Variants in FNTB observed in about 807,000 individuals in gnomAD.
FNTB encodes the protein protein farnesyltransferase subunit beta.
A neutral mutation model predicts 59.4 loss-of-function variants in FNTB; 27 were observed. That is an observed-to-expected ratio of 0.45 (90% CI 0.34 to 0.63). FNTB has a LOEUF of 0.63. FNTB is among the 20% of genes least tolerant of loss of function. The pLI is 0.02. For missense variants in FNTB, 449 were observed against 559.6 expected, an observed-to-expected ratio of 0.80 and a Z score of 1.99; for synonymous variants, 230 against 220.7, an observed-to-expected ratio of 1.04 and a Z score of -0.37.
Position 65,023,779 on chromosome 14 carries a change from A to T in FNTB, c.375-3674A>T, listed in dbSNP as rs1005238702. 6.6e-6 allele frequency among the ~76,000 whole-genome samples: 1 copy of T among 152,190 alleles called. No homozygotes were observed. Among genetic ancestry groups the T allele is most frequent in the Non-Finnish European group, 1.5e-5 (1 of 68,042 alleles). On this transcript the variant is annotated intron_variant, in intron 4 of 11. Coordinates refer to ENST00000246166, the MANE Select transcript of FNTB (RefSeq NM_002028.4). The surrounding 1 kb of genome is among the most constrained non-coding windows in gnomAD (Gnocchi z 4.1). ...AAAATGTGGTCCCCAGACCAGGAGCATTGCTATCACCTGGGAACTTATTAG... is the reference window on the plus strand; with the variant it reads ...AAAATGTGGTCCCCAGACCAGGAGCTTTGCTATCACCTGGGAACTTATTAG...
rs1220547341 is a variant in FNTB at position 65,027,637 on chromosome 14, G to A, written c.521+38G>A. 7 of 1,613,934 alleles carry A rather than the reference G, an allele frequency of 4.3e-6. No homozygotes were observed. Among genetic ancestry groups the A allele is most frequent in the African/African-American group, 1.3e-5 (1 of 74,912 alleles). On this transcript the variant is annotated intron_variant, in intron 5 of 11. Transcript: ENST00000246166. The surrounding 1 kb of genome is among the most constrained non-coding windows in gnomAD (Gnocchi z 5.7). ...CCAGCAGTGACAGAAACCTAGAGGA[G>A]TTCCCCGCCTGCTGACACGCACTGA...
intron 2 of FNTB, among the ~76,000 whole-genome samples, chr14:65,010,466 T>A (rs1376584378): frequency 1.3e-5 from 2 of 152,210 alleles, no homozygotes; most frequent in Non-Finnish European, 2.9e-5. Flanking sequence ...GACCCACACA[T>A]CCAAAAGTCA....
At chr14:65,004,364 G>A in intron 2 of FNTB, 51 bp downstream of exon 2, 1 of 1,573,320 alleles carries the variant, frequency 6.4e-7, no homozygotes, top group South Asian at 1.1e-5. Context: ...CCACCATGCA[G>A]CAGCCTTTCT....
At chr14:65,013,663 T>C (rs1041063788) in intron 3 of FNTB, among the ~76,000 whole-genome samples, 7 of 152,192 alleles carry the variant, frequency 4.6e-5, no homozygotes, top group African/African-American at 1.7e-4. Flanking sequence ...TTCTCTTGCC[T>C]CAGCCTTCTG....
intron 7 of FNTB, among the ~76,000 whole-genome samples, chr14:65,040,317 G>T (rs1474554142): frequency 6.8e-6 from 1 of 146,640 alleles, no homozygotes; most frequent in Non-Finnish European, 1.5e-5. Context: ...GTGTATATAT[G>T]TACATATATG....
chr14:65,023,413 C>T lies in FNTB; in HGVS notation c.375-4040C>T, dbSNP rs1053443260. ...TCACCTAAGAGTCCCAAGTAAACTC[C>T]TTATAAGGCTGAGAGGCAATCGCTG... On this transcript the variant is annotated intron_variant, in intron 4 of 11. Transcript: ENST00000246166. This position sits in a 1 kb window ranked among gnomAD's most constrained non-coding sequence, Gnocchi z 4.1. Among the ~76,000 whole-genome samples, 16 of 152,178 alleles carry T rather than the reference C, an allele frequency of 1.1e-4. No individual in the cohort carries two copies. Among genetic ancestry groups the T allele is most frequent in the African/African-American group, 3.6e-4 (15 of 41,442 alleles).
chr14:65,054,637 G>T lies in FNTB; in HGVS notation c.1130G>T (p.Gly377Val). The part of the protein sequence containing the change: ...LSGLSIAQHF[G>V]SGAMLHDVVL... ...GGCCTGTCCATAGCCCAGCACTTCG[G>T]CAGCGGAGCCATGTTGCATGATGTG... The change falls in exon 11 of 12, where the codon GGC (glycine) becomes GTC (valine). Residue 377 changes from glycine to valine, a missense_variant. This residue lies in a region of FNTB where 337 missense variants were observed against 479.1 expected (regional missense o/e 0.70). Transcript: ENST00000246166. The surrounding 1 kb of genome is among the most constrained non-coding windows in gnomAD (Gnocchi z 4.4). 6.2e-7 allele frequency: 1 copy of T among 1,613,752 alleles called. No individual in the cohort carries two copies. The highest frequency in any genetic ancestry group is 1.1e-5 in the South Asian group (1 of 90,958).
chr14:65,057,908 GT>G (rs1481980344), intron 11 of FNTB, among the ~76,000 whole-genome samples: 3 of 152,090 alleles, frequency 2.0e-5, no homozygotes, highest in Non-Finnish European at 4.4e-5. Flanking sequence ...TGTTCCTTTG[GT>G]CTGTTTGCCT....
Position 65,036,243 on chromosome 14 carries a change from T to A in FNTB, c.692+3547T>A, listed in dbSNP as rs78689521. On this transcript the variant is annotated intron_variant, in intron 7 of 11. Transcript: ENST00000246166. The stretch of plus-strand genomic sequence containing the variant: ...TGAATTTAATTAATTTAATTTAATT[T>A]ATTTATTTTTTGAAAGAGGGTCTCA... Among the ~76,000 whole-genome samples, 1,135 of 152,156 alleles carry A rather than the reference T, an allele frequency of 7.5e-3. 21 individuals carry two copies. The highest frequency in any genetic ancestry group is 0.044 in the East Asian group (226 of 5,164).
intron 2 of FNTB, chr14:65,006,078 C>A (rs2061582066): frequency 6.6e-7 from 1 of 1,508,538 alleles, no homozygotes; most frequent in East Asian, 2.3e-5. Flanking sequence ...CAGACTAAAT[C>A]CTAGCAAGTC....
At position 64,997,711 on chromosome 14, in the gene FNTB, C is replaced by T. The variant is rs567201531; in HGVS notation, c.145-6538C>T. On this transcript the variant is annotated intron_variant, in intron 1 of 11. Coordinates refer to ENST00000246166, the MANE Select transcript of FNTB (RefSeq NM_002028.4). The surrounding 1 kb of genome is among the most constrained non-coding windows in gnomAD (Gnocchi z 4.5). ...GGGAGGCCCGGAATGGGGAGGTGACCGGGAAAAGCACAGTAAACAAGGATA... is the reference window on the plus strand; with the variant it reads ...GGGAGGCCCGGAATGGGGAGGTGACTGGGAAAAGCACAGTAAACAAGGATA... 7.9e-5 allele frequency among the ~76,000 whole-genome samples: 12 copies of T among 152,192 alleles called. No homozygotes were observed. In the South Asian group the frequency reaches 8.3e-4, roughly 11 times the overall value.
In FNTB at chr14:65,027,537, A is replaced by G. The variant is rs372853905; in HGVS notation, c.459A>G (p.Thr153=). 1.5e-4 allele frequency: 239 copies of G among 1,614,206 alleles called. 2 individuals are homozygous for G. The East Asian group carries it at 3.3e-3, about 22-fold the overall frequency. Residue 153 remains threonine (T), a synonymous_variant, in exon 5 of 12, where the codon ACA becomes ACG. Coordinates refer to ENST00000246166, the MANE Select transcript of FNTB (RefSeq NM_002028.4). This position sits in a 1 kb window ranked among gnomAD's most constrained non-coding sequence, Gnocchi z 5.7. The part of the protein sequence containing the change: ...GPGQYPHLAP[T]YAAVNALCII... ...GTCAGTATCCACACCTTGCACCCACATATGCAGCAGTCAATGCATTGTGCA... is the reference window on the plus strand; with the variant it reads ...GTCAGTATCCACACCTTGCACCCACGTATGCAGCAGTCAATGCATTGTGCA...
chr14:65,058,144 CAA>C (rs2062781043), intron 11 of FNTB, among the ~76,000 whole-genome samples: 1 of 151,374 alleles, frequency 6.6e-6, no homozygotes, highest in African/African-American at 2.4e-5. Context: ...CCCAGGAGTA[CAA>C]AGAGAACTGA....
At chr14:65,042,377 C>T (rs1359733877) in intron 8 of FNTB, among the ~76,000 whole-genome samples, 3 of 152,148 alleles carry the variant, frequency 2.0e-5, no homozygotes, top group African/African-American at 2.4e-5. Context: ...TGATGGGAGA[C>T]AGTGACAGAT....
intron 11 of FNTB, among the ~76,000 whole-genome samples, chr14:65,055,965 T>C (rs2062727458): frequency 6.6e-6 from 1 of 152,188 alleles, no homozygotes; most frequent in Non-Finnish European, 1.5e-5. Flanking sequence ...CCTATTTGCC[T>C]CTTATGTAGC....
At chr14:65,002,646 G>A (rs949725027) in intron 1 of FNTB, among the ~76,000 whole-genome samples, 1 of 151,966 alleles carries the variant, frequency 6.6e-6, no homozygotes, top group Non-Finnish European at 1.5e-5. Context: ...GAAAGACCGG[G>A]GTTGCAGCAG....
At chr14:65,000,466 A>G (rs954434358) in intron 1 of FNTB, among the ~76,000 whole-genome samples, 1 of 152,176 alleles carries the variant, frequency 6.6e-6, no homozygotes, top group African/African-American at 2.4e-5. Context: ...CATAGATTCA[A>G]GTTGCCCTGA....
intron 9 of FNTB, among the ~76,000 whole-genome samples, chr14:65,052,440 C>T (rs1239878748): frequency 1.3e-5 from 2 of 152,052 alleles, no homozygotes; most frequent in African/African-American, 2.4e-5. Flanking sequence ...ATAAAATTGA[C>T]CAAGGACTTA....
rs1009989307 is a variant in FNTB at position 65,027,584 on chromosome 14, A to G, written c.506A>G (p.Tyr169Cys). The G allele has an allele frequency of 1.9e-6, 3 of 1,614,108 alleles. No individual in the cohort carries two copies. Among genetic ancestry groups the G allele is most frequent in the Non-Finnish European group, 2.5e-6 (3 of 1,180,040 alleles). The stretch of plus-strand genomic sequence containing the variant: ...TGCATCATTGGCACCGAGGAGGCCT[A>G]TGACATCATTAACAGGTACAGTGAA... ...ALCIIGTEEAYDIINREKLLQ... is the reference protein window; with the variant it reads ...ALCIIGTEEACDIINREKLLQ... The change falls in exon 5 of 12, where the codon TAT becomes TGT. Residue 169 changes from tyrosine (Y) to cysteine (C), a missense_variant. Physicochemically the swap from Tyr to Cys is radical, Grantham distance 194 (BLOSUM62 -2). Around this residue, in one of 2 missense-constraint regions of FNTB, gnomAD observed 337 missense variants for 479.1 expected, o/e 0.70. Transcript: ENST00000246166. The surrounding 1 kb of genome is among the most constrained non-coding windows in gnomAD (Gnocchi z 5.7).
Sources: gnomAD v4.1 joint callset for allele counts (sites outside exome capture counted in the v4.1 genomes callset) on GRCh38, gnomAD v4.1.1 for gene constraint, gnomAD v4.1.1 regional missense constraint, Gnocchi (gnomAD v3.1) non-coding constraint, MANE v1.5 for transcripts, NCBI Gene and HGNC (gene_info 2026-07-23, HGNC 2026-07-21) for gene names.